The following COLEC12 variants were observed in gnomAD, a reference collection of about 807,000 sequenced individuals.
The protein encoded by COLEC12 is collectin subfamily member 12, also known as collectin-12.
In COLEC12, 33 loss-of-function variants were observed where a neutral mutation model predicts 71.1. The ratio of observed to expected loss-of-function variants is 0.46; its 90% CI spans 0.35 to 0.62. COLEC12 has a LOEUF of 0.62. COLEC12 is among the 20% of genes least tolerant of loss of function. The probability of loss-of-function intolerance (pLI) is 0.00; values close to 1 mark genes in which losing one functional copy is unlikely to be tolerated. For missense variants in COLEC12, 765 were observed against 916.1 expected (o/e 0.84, Z 2.13); for synonymous variants, 350 against 353.0 (o/e 0.99, Z 0.10).
intron 2 of COLEC12, among the ~76,000 whole-genome samples, chr18:429,648 C>T (rs1334767417): frequency 6.6e-6 from 1 of 152,184 alleles, no homozygotes; most frequent in Non-Finnish European, 1.5e-5. Flanking sequence ...TCCCAAAGTT[C>T]TGGGATTACA....
At position 346,657 on chromosome 18, in the gene COLEC12, T is replaced by C; in HGVS notation, c.965A>G (p.Glu322Gly). ...GTTGAACTTGATGGCTGTTCTATTC[T>C]CTGCATCTTTGTGTAAGTCCTGCAG... is the stretch of plus-strand genomic sequence containing the variant. The part of the protein sequence containing the change: ...KDLQDLHKDA[E>G]NRTAIKFNQL... Residue 322 changes from glutamate to glycine, a missense_variant, in exon 5 of 10, where the codon GAG (glutamate) becomes GGG (glycine). Physicochemically the swap from Glu to Gly is moderately conservative, Grantham distance 98. Coordinates refer to ENST00000400256, the MANE Select transcript of COLEC12 (RefSeq NM_130386.3). This position sits in a 1 kb window ranked among gnomAD's most constrained non-coding sequence, Gnocchi z 4.0. The C allele has an allele frequency of 6.2e-7, 1 of 1,614,240 alleles. No homozygotes were observed. Among genetic ancestry groups the C allele is most frequent in the African/African-American group, 1.3e-5 (1 of 75,066 alleles).
At chr18:396,143 C>G (rs2143602772) in intron 2 of COLEC12, among the ~76,000 whole-genome samples, 1 of 152,302 alleles carries the variant, frequency 6.6e-6, no homozygotes, top group South Asian at 2.1e-4. Context: ...ACAAAGAACC[C>G]TTTCCTTCTT....
chr18:486,526 G>A (rs1917521465), intron 1 of COLEC12, among the ~76,000 whole-genome samples: 1 of 152,052 alleles, frequency 6.6e-6, no homozygotes, highest in South Asian at 2.1e-4. Flanking sequence ...GAAAACCAAG[G>A]GTCAGAGAAA....
At chr18:375,636 C>G (rs1915097582) in intron 2 of COLEC12, among the ~76,000 whole-genome samples, 1 of 152,174 alleles carries the variant, frequency 6.6e-6, no homozygotes, top group African/African-American at 2.4e-5. Context: ...TAGGTAGGAC[C>G]ACAGGCGTGC....
intron 1 of COLEC12, among the ~76,000 whole-genome samples, chr18:491,098 T>C (rs940773237): frequency 1.3e-5 from 2 of 152,220 alleles, no homozygotes; most frequent in African/African-American, 4.8e-5. Flanking sequence ...CTGCAAGCTG[T>C]CCCTGTTTCT....
At position 436,503 on chromosome 18, in the gene COLEC12, G is replaced by A. The variant is rs192508732; in HGVS notation, c.58+44204C>T. On this transcript the variant is annotated intron_variant, in intron 2 of 9. Coordinates refer to ENST00000400256, the MANE Select transcript of COLEC12 (RefSeq NM_130386.3). Reference sequence around the variant, plus strand: ...GCACTCCAGCCCAGGTGACAACAGCGAGACTCCATCTCAAAAAAAAAAGGG... The same window carrying A: ...GCACTCCAGCCCAGGTGACAACAGCAAGACTCCATCTCAAAAAAAAAAGGG... Among the ~76,000 whole-genome samples, 892 of 93,640 alleles carry A rather than the reference G, an allele frequency of 9.5e-3. 10 individuals carry two copies. The highest frequency in any genetic ancestry group is 0.013 in the Non-Finnish European group (686 of 51,610). The allele number at this position is 93,640 out of a possible 152,430, so 61.4% of individuals were successfully genotyped here.
At position 500,136 on chromosome 18, in the gene COLEC12, C is replaced by A. The variant is rs1167989360; in HGVS notation, c.7+372G>T. Among the ~76,000 whole-genome samples the A allele has an allele frequency of 6.6e-6, 1 of 151,832 alleles. No individual in the cohort carries two copies. The highest frequency in any genetic ancestry group is 1.5e-5 in the Non-Finnish European group (1 of 67,962). ...GAGAGGACTGGGCGAGCGTGGGGAG[C>A]GCTGCGGCGTGGAAAAGCGACCGGG... On this transcript the variant is annotated intron_variant, in intron 1 of 9. Coordinates refer to ENST00000400256, the MANE Select transcript of COLEC12 (RefSeq NM_130386.3). This position sits in a 1 kb window ranked among gnomAD's most constrained non-coding sequence, Gnocchi z 5.3.
At chr18:419,507 G>A (rs1341933973) in intron 2 of COLEC12, among the ~76,000 whole-genome samples, 2 of 152,124 alleles carry the variant, frequency 1.3e-5, no homozygotes, top group African/African-American at 2.4e-5. Flanking sequence ...GCCCAGCCCT[G>A]TATATATTTT....
At chr18:336,457 A>G (rs972747895) in intron 5 of COLEC12, among the ~76,000 whole-genome samples, 3 of 152,218 alleles carry the variant, frequency 2.0e-5, no homozygotes, top group African/African-American at 7.2e-5. Flanking sequence ...GGCCCATGTA[A>G]CACAGGATTG....
intron 2 of COLEC12, among the ~76,000 whole-genome samples, chr18:380,620 C>T (rs187212338): frequency 6.2e-4 from 95 of 152,324 alleles, no homozygotes; most frequent in African/African-American, 1.9e-3. Flanking sequence ...CACACACACA[C>T]GCTTGCAGGA....
intron 2 of COLEC12, among the ~76,000 whole-genome samples, chr18:366,523 C>T (rs1914859367): frequency 6.6e-6 from 1 of 152,214 alleles, no homozygotes; most frequent in South Asian, 2.1e-4. Context: ...ATACTGCACA[C>T]ATCCACACTC....
At chr18:481,080 C>T (rs1489029355) in intron 1 of COLEC12, among the ~76,000 whole-genome samples, 2 of 152,202 alleles carry the variant, frequency 1.3e-5, no homozygotes, top group African/African-American at 4.8e-5. Flanking sequence ...CTGATATCTT[C>T]CTCACATGTG....
At chr18:431,970 C>G (rs1916313203) in intron 2 of COLEC12, among the ~76,000 whole-genome samples, 1 of 152,124 alleles carries the variant, frequency 6.6e-6, no homozygotes, top group African/African-American at 2.4e-5. Flanking sequence ...AAATAACTTG[C>G]CTGTGGTCTG....
At chr18:425,316 T>C (rs544647431) in intron 2 of COLEC12, among the ~76,000 whole-genome samples, 16 of 152,294 alleles carry the variant, frequency 1.1e-4, no homozygotes, top group Middle Eastern at 3.4e-3. Context: ...CCCCCGACCC[T>C]TGCTCTTTTC....
chr18:397,187 A>G (rs1915589616), intron 2 of COLEC12, among the ~76,000 whole-genome samples: 2 of 152,142 alleles, frequency 1.3e-5, no homozygotes, highest in South Asian at 4.1e-4. Flanking sequence ...CGTGGCTTCT[A>G]TCATCCATTC....
chr18:370,867 G>A (rs1360497423), intron 2 of COLEC12, among the ~76,000 whole-genome samples: 1 of 152,172 alleles, frequency 6.6e-6, no homozygotes, highest in Non-Finnish European at 1.5e-5. Context: ...GACTAGGAAT[G>A]CCATTTTTGC....
rs879686531 is a variant in COLEC12, at chr18:431,163, ATT to A, written c.58+49542_58+49543del. Among the ~76,000 whole-genome samples the A allele has an allele frequency of 4.9e-5, 7 of 142,108 alleles. No homozygotes were observed. In the South Asian group the frequency reaches 1.1e-3, roughly 23 times the overall value. The allele number at this position is 142,108 out of a possible 152,430, so 93.2% of individuals were successfully genotyped here. On this transcript the variant is annotated intron_variant, in intron 2 of 9. Coordinates refer to ENST00000400256, the MANE Select transcript of COLEC12 (RefSeq NM_130386.3). Reference sequence around the variant, plus strand: ...AGGTAAGTGCCACCACACTCAGCTAATTTTTTTTTTTTTTCCTTTGGTAGAGA... The same window carrying A: ...AGGTAAGTGCCACCACACTCAGCTAATTTTTTTTTTTTCCTTTGGTAGAGA...
In COLEC12 at chr18:344,283, A is replaced by T. The variant is rs569104383; in HGVS notation, c.1327+2012T>A. On this transcript the variant is annotated intron_variant, in intron 5 of 9. Coordinates refer to ENST00000400256, the MANE Select transcript of COLEC12 (RefSeq NM_130386.3). ...AGCTAATACCCATTTTATGAGGAAC[A>T]TTCTGTAAAACCAAAATTGATCTTC... 2.6e-5 allele frequency among the ~76,000 whole-genome samples: 4 copies of T among 152,350 alleles called. No individual in the cohort carries two copies. The East Asian group carries it at 5.8e-4, about 22-fold the overall frequency.
At chr18:498,147 C>T (rs1917746751) in intron 1 of COLEC12, among the ~76,000 whole-genome samples, 1 of 152,108 alleles carries the variant, frequency 6.6e-6, no homozygotes, top group Admixed American at 6.5e-5. Context: ...AGTTTTCATA[C>T]CTATACTGTT....
Sources: gnomAD v4.1 joint callset for allele counts (sites outside exome capture counted in the v4.1 genomes callset) on GRCh38, gnomAD v4.1.1 for gene constraint, Gnocchi (gnomAD v3.1) non-coding constraint, MANE v1.5 for transcripts, NCBI Gene and HGNC (gene_info 2026-07-23, HGNC 2026-07-21) for gene names.